Variants in CDKN2AIP observed in about 807,000 individuals in gnomAD.
CDKN2AIP encodes the protein CDKN2A-interacting protein.
A neutral mutation model predicts 44.1 loss-of-function variants in CDKN2AIP; 12 were observed. The observed-to-expected ratio is 0.27, with a 90% confidence interval of 0.17 to 0.44. The LOEUF (loss-of-function observed/expected upper bound fraction) is 0.44, where lower values mean the gene tolerates loss of function less well. Among genes scored for constraint, CDKN2AIP ranks in the 20% least tolerant of loss-of-function variants. The probability of loss-of-function intolerance (pLI) is 1.00; values close to 1 mark genes in which losing one functional copy is unlikely to be tolerated. For synonymous variants in CDKN2AIP, 291 were observed against 272.1 expected (o/e 1.07, Z -0.68); for missense variants, 705 against 681.6 (o/e 1.03, Z -0.38).
Position 183,444,693 on chromosome 4 carries a change from C to A in CDKN2AIP, c.-105C>A, listed in dbSNP as rs568654617. ...TTTGGTCTTTAGGCCTGCGGAGGGG[C>A]GTTATCTGGAGGGCCGCGGGTGCAG... On this transcript the variant is annotated 5_prime_UTR_variant, in exon 1 of 3. Coordinates refer to ENST00000504169, the MANE Select transcript of CDKN2AIP (RefSeq NM_017632.4). 6 of 1,156,714 alleles carry A rather than the reference C, an allele frequency of 5.2e-6. No homozygotes were observed. The highest frequency in any genetic ancestry group is 3.0e-4 in the Middle Eastern group (1 of 3,342). The allele number at this position is 1,156,714 out of a possible 1,614,324, so 71.7% of individuals were successfully genotyped here.
chr4:183,445,795 T>C, intron 2 of CDKN2AIP, 130 bp downstream of exon 2: 1 of 758,964 alleles, frequency 1.3e-6, no homozygotes, highest in South Asian at 1.8e-5. Flanking sequence ...AAAGTTGGAA[T>C]GTTAAACCTA....
Position 183,444,709 on chromosome 4 carries a change from G to C in CDKN2AIP, c.-89G>C, listed in dbSNP as rs1209713987. 3 of 1,333,342 alleles carry C rather than the reference G, an allele frequency of 2.2e-6. No individual in the cohort carries two copies. Among genetic ancestry groups the C allele is most frequent in the East Asian group, 5.4e-5 (2 of 37,340 alleles). The allele number at this position is 1,333,342 out of a possible 1,614,324, so 82.6% of individuals were successfully genotyped here. On this transcript the variant is annotated 5_prime_UTR_variant, in exon 1 of 3. Transcript: ENST00000504169. ...GCGGAGGGGCGTTATCTGGAGGGCC[G>C]CGGGTGCAGGCCGCAGTGACAGGGC...
In CDKN2AIP at chr4:183,446,336, G is replaced by A. The variant is rs766766778; in HGVS notation, c.652G>A (p.Val218Ile). Reference sequence around the variant, plus strand: ...TGTTTCCAGCCAAAGCAGCAGCAGCGTTTCCTCTCAGGTAACAACGGCAGG... The same window carrying A: ...TGTTTCCAGCCAAAGCAGCAGCAGCATTTCCTCTCAGGTAACAACGGCAGG... ...RSVSSQSSSS[V>I]SSQVTTAGSG... Residue 218 changes from valine (V) to isoleucine (I), a missense_variant, in exon 3 of 3, where the codon GTT becomes ATT. By Grantham distance (29) the Val-to-Ile change is conservative. Transcript: ENST00000504169. The A allele has an allele frequency of 1.9e-6, 3 of 1,614,158 alleles. No homozygotes were observed. The highest frequency in any genetic ancestry group is 1.1e-5 in the South Asian group (1 of 91,086).
At chr4:183,445,816 C>T (rs1182616232) in intron 2 of CDKN2AIP, 151 bp downstream of exon 2, 15 of 687,670 alleles carry the variant, frequency 2.2e-5, no homozygotes, top group Non-Finnish European at 3.2e-5. Flanking sequence ...AAGTATATAT[C>T]TGTGTCTTTA....
At chr4:183,445,891 C>G (rs1733655399) in intron 2 of CDKN2AIP, 197 bp from the exon 3 acceptor site, 2 of 637,652 alleles carry the variant, frequency 3.1e-6, no homozygotes, top group Non-Finnish European at 2.7e-6. Context: ...TTGTCTGATG[C>G]TGTTATTTTT....
Position 183,446,945 on chromosome 4 carries a change from T to C in CDKN2AIP, c.1261T>C (p.Ser421Pro). ...AAGTACTTCACAGTCAAGTGAGAGTTCTGTCAAATTCTCTTGCAAGTTAAC... is the reference window on the plus strand; with the variant it reads ...AAGTACTTCACAGTCAAGTGAGAGTCCTGTCAAATTCTCTTGCAAGTTAAC... ...SKSTSQSSES[S>P]VKFSCKLTNE... Residue 421 changes from serine to proline, a missense_variant, in exon 3 of 3, where the codon TCT (serine) becomes CCT (proline). This residue lies in a region of CDKN2AIP where 592 missense variants were observed against 518.0 expected (regional missense o/e 1.14). Coordinates refer to ENST00000504169, the MANE Select transcript of CDKN2AIP (RefSeq NM_017632.4). 6.2e-7 allele frequency: 1 copy of C among 1,614,240 alleles called. No homozygotes were observed. The highest frequency in any genetic ancestry group is 8.5e-7 in the Non-Finnish European group (1 of 1,180,040).
At position 183,444,953 on chromosome 4, in the gene CDKN2AIP, T is replaced by C; in HGVS notation, c.156T>C (p.Ala52=). ...GGGACCTGGCCCCCGCTGGCGGCGC[T>C]GCCTCCGCTAGCACGGATGAAGCTG... The part of the protein sequence containing the change: ...NAGDLAPAGG[A]ASASTDEAAD... The change falls in exon 1 of 3, where the codon GCT becomes GCC. Residue 52 remains alanine (A), a synonymous_variant. Transcript: ENST00000504169. The C allele has an allele frequency of 6.2e-7, 1 of 1,611,476 alleles. No homozygotes were observed. The highest frequency in any genetic ancestry group is 8.5e-7 in the Non-Finnish European group (1 of 1,178,930).
In CDKN2AIP at chr4:183,447,229, C is replaced by G. The variant is rs1733702457; in HGVS notation, c.1545C>G (p.Gly515=). Reference sequence around the variant, plus strand: ...GCAAGTCTGTGTATTTGGGCACTGGCTGTGGAAAAAGCAAAGAAAATGCAA... The same window carrying G: ...GCAAGTCTGTGTATTTGGGCACTGGGTGTGGAAAAAGCAAAGAAAATGCAA... ...LRCKSVYLGT[G]CGKSKENAKA... The change falls in exon 3 of 3, where the codon GGC becomes GGG. Residue 515 remains glycine (G), a synonymous_variant. Coordinates refer to ENST00000504169, the MANE Select transcript of CDKN2AIP (RefSeq NM_017632.4). 3.7e-6 allele frequency: 6 copies of G among 1,611,242 alleles called. No individual in the cohort carries two copies. In the East Asian group the frequency reaches 1.3e-4, roughly 36 times the overall value.
rs1733640935 is a variant in CDKN2AIP at position 183,445,213 on chromosome 4, G to A, written c.272+144G>A. 6.1e-6 allele frequency: 6 copies of A among 985,208 alleles called. 1 individual carries two copies. The highest frequency in any genetic ancestry group is 8.8e-6 in the Non-Finnish European group (6 of 681,318). The allele number at this position is 985,208 out of a possible 1,614,324, so 61.0% of individuals were successfully genotyped here. On this transcript the variant is annotated intron_variant, in intron 1 of 2. Transcript: ENST00000504169. ...ATCCGCCGGCCCGGCTGCCCTCTAA[G>A]GGGGAGAAGGGCGTCCCTGCGAGGA...
rs1343064973 is a variant in CDKN2AIP, at chr4:183,447,934, T to C, written c.*507T>C. The C allele has an allele frequency of 6.6e-6, 1 of 152,288 alleles. No homozygotes were observed. The highest frequency in any genetic ancestry group is 1.5e-5 in the Non-Finnish European group (1 of 68,048). 9.4% of individuals were successfully genotyped at this position (152,288 alleles called of 1,614,324 possible). The stretch of plus-strand genomic sequence containing the variant: ...AAAAATAGTTGCTTCAAACTATTTT[T>C]ATGAGAAGTTGTAAGCATTTTTTAG... On this transcript the variant is annotated 3_prime_UTR_variant, in exon 3 of 3. Transcript: ENST00000504169.
chr4:183,448,359 C>T lies in CDKN2AIP; in HGVS notation c.*932C>T, dbSNP rs1328430036. 1.3e-5 allele frequency among the ~76,000 whole-genome samples: 2 copies of T among 151,766 alleles called. No individual in the cohort carries two copies. The highest frequency in any genetic ancestry group is 4.8e-5 in the African/African-American group (2 of 41,324). ...AGCCAGAATAGATTAAAAGCGATTCCCTTCAATTTTCAAATCTAGAACTGG... is the reference window on the plus strand; with the variant it reads ...AGCCAGAATAGATTAAAAGCGATTCTCTTCAATTTTCAAATCTAGAACTGG... On this transcript the variant is annotated 3_prime_UTR_variant, in exon 3 of 3. Coordinates refer to ENST00000504169, the MANE Select transcript of CDKN2AIP (RefSeq NM_017632.4).
At position 183,446,347 on chromosome 4, in the gene CDKN2AIP, G is replaced by C. The variant is rs1472000081; in HGVS notation, c.663G>C (p.Gln221His). Residue 221 changes from glutamine to histidine, a missense_variant, in exon 3 of 3, where the codon CAG (glutamine) becomes CAC (histidine). Gln to His is a conservative substitution (Grantham distance 24). Coordinates refer to ENST00000504169, the MANE Select transcript of CDKN2AIP (RefSeq NM_017632.4). ...AAAGCAGCAGCAGCGTTTCCTCTCA[G>C]GTAACAACGGCAGGATCTGGGAAAG... is the stretch of plus-strand genomic sequence containing the variant. ...SSQSSSSVSSQVTTAGSGKAS... is the reference protein window; with the variant it reads ...SSQSSSSVSSHVTTAGSGKAS... The C allele has an allele frequency of 6.2e-7, 1 of 1,614,086 alleles. No homozygotes were observed. Among genetic ancestry groups the C allele is most frequent in the African/African-American group, 1.3e-5 (1 of 74,914 alleles).
At position 183,447,135 on chromosome 4, in the gene CDKN2AIP, C is replaced by T. The variant is rs1375607761; in HGVS notation, c.1451C>T (p.Pro484Leu). The T allele has an allele frequency of 6.2e-7, 1 of 1,613,822 alleles. No individual in the cohort carries two copies. The highest frequency in any genetic ancestry group is 1.3e-5 in the African/African-American group (1 of 74,910). ...GCAACACTGGATGTATTTTTTGTCC[C>T]ACTAAAAGAATTGGCAGATCTGCCT... ...LKATLDVFFV[P>L]LKELADLPQN... Residue 484 changes from proline (P) to leucine (L), a missense_variant, in exon 3 of 3, where the codon CCA (proline) becomes CTA (leucine). Physicochemically the swap from Pro to Leu is moderately conservative, Grantham distance 98. This residue lies in a region of CDKN2AIP where 113 missense variants were observed against 163.6 expected (regional missense o/e 0.69). Coordinates refer to ENST00000504169, the MANE Select transcript of CDKN2AIP (RefSeq NM_017632.4).
In CDKN2AIP at chr4:183,446,974, T is replaced by C; in HGVS notation, c.1290T>C (p.Asn430=). The part of the protein sequence containing the change: ...SSVKFSCKLT[N]EDVKQKQPFF... ...TCAAATTCTCTTGCAAGTTAACCAA[T>C]GAAGATGTGAAACAGAAGCAACCTT... is the stretch of plus-strand genomic sequence containing the variant. The change falls in exon 3 of 3, where the codon AAT becomes AAC. Residue 430 remains asparagine, a synonymous_variant. Transcript: ENST00000504169. The C allele has an allele frequency of 6.2e-7, 1 of 1,614,180 alleles. No individual in the cohort carries two copies. Among genetic ancestry groups the C allele is most frequent in the Non-Finnish European group, 8.5e-7 (1 of 1,180,008 alleles).
At position 183,445,603 on chromosome 4, in the gene CDKN2AIP, C is replaced by G; in HGVS notation, c.341C>G (p.Thr114Ser). The G allele has an allele frequency of 6.2e-7, 1 of 1,609,124 alleles. No individual in the cohort carries two copies. The highest frequency in any genetic ancestry group is 8.5e-7 in the Non-Finnish European group (1 of 1,175,478). ...AEGIKVTDAPTYTTRDELVAK... is the reference protein window; with the variant it reads ...AEGIKVTDAPSYTTRDELVAK... ...GGCATCAAAGTGACAGATGCTCCAACCTATACAACAAGAGATGAACTGGTT... is the reference window on the plus strand; with the variant it reads ...GGCATCAAAGTGACAGATGCTCCAAGCTATACAACAAGAGATGAACTGGTT... The change falls in exon 2 of 3, where the codon ACC becomes AGC. Residue 114 changes from threonine (T) to serine (S), a missense_variant. By Grantham distance (58) the Thr-to-Ser change is moderately conservative (BLOSUM62 1). Around this residue, in one of 2 missense-constraint regions of CDKN2AIP, gnomAD observed 592 missense variants for 518.0 expected, o/e 1.14. Transcript: ENST00000504169.
At chr4:183,445,735 G>A in intron 2 of CDKN2AIP, 70 bp downstream of exon 2, 1 of 1,331,894 alleles carries the variant, frequency 7.5e-7, no homozygotes, top group Non-Finnish European at 1.1e-6. Context: ...AGGAATTATT[G>A]TTACTAATTT....
At position 183,444,750 on chromosome 4, in the gene CDKN2AIP, T is replaced by G; in HGVS notation, c.-48T>G. On this transcript the variant is annotated 5_prime_UTR_variant, in exon 1 of 3. Coordinates refer to ENST00000504169, the MANE Select transcript of CDKN2AIP (RefSeq NM_017632.4). ...GTGACAGGGCCGCTCGCCCCGCTAGTCCTGCCTGTCTCCCGGTGCAGCTGT... is the reference window on the plus strand; with the variant it reads ...GTGACAGGGCCGCTCGCCCCGCTAGGCCTGCCTGTCTCCCGGTGCAGCTGT... 2.0e-6 allele frequency: 3 copies of G among 1,473,902 alleles called. No individual in the cohort carries two copies. Among genetic ancestry groups the G allele is most frequent in the Non-Finnish European group, 2.7e-6 (3 of 1,105,706 alleles). The allele number at this position is 1,473,902 out of a possible 1,614,324, so 91.3% of individuals were successfully genotyped here.
Position 183,446,545 on chromosome 4 carries a change from G to A in CDKN2AIP, c.861G>A (p.Glu287=). The A allele has an allele frequency of 6.2e-7, 1 of 1,614,038 alleles. No individual in the cohort carries two copies. Among genetic ancestry groups the A allele is most frequent in the Non-Finnish European group, 8.5e-7 (1 of 1,179,856 alleles). The change falls in exon 3 of 3, where the codon GAG becomes GAA. Residue 287 remains glutamate (E), a synonymous_variant. Transcript: ENST00000504169. ...CCTCAGCTTCTCAAAGCAGCTCAGA[G>A]ATCGAGGTGCCCTTGTTGGGCTCCT... The part of the protein sequence containing the change: ...SSASASQSSS[E]IEVPLLGSSG...
In CDKN2AIP at chr4:183,444,736, G is replaced by A; in HGVS notation, c.-62G>A. ...GGGTGCAGGCCGCAGTGACAGGGCC[G>A]CTCGCCCCGCTAGTCCTGCCTGTCT... is the stretch of plus-strand genomic sequence containing the variant. On this transcript the variant is annotated 5_prime_UTR_variant, in exon 1 of 3. Coordinates refer to ENST00000504169, the MANE Select transcript of CDKN2AIP (RefSeq NM_017632.4). 7.6e-6 allele frequency: 11 copies of A among 1,445,388 alleles called. No individual in the cohort carries two copies. The highest frequency in any genetic ancestry group is 1.4e-5 in the South Asian group (1 of 70,252). The allele number at this position is 1,445,388 out of a possible 1,614,324, so 89.5% of individuals were successfully genotyped here. A position where few individuals can be genotyped will look rare whatever the true frequency, so the allele number is the denominator to read the frequency against.
Sources: allele counts gnomAD v4.1 joint callset (sites outside exome capture counted in the v4.1 genomes callset), GRCh38; gene constraint gnomAD v4.1.1; regional missense constraint gnomAD v4.1.1; transcripts MANE v1.5; gene names NCBI Gene and HGNC (gene_info 2026-07-23, HGNC 2026-07-21).